STARD13: variants seen among roughly 807,000 people sequenced by gnomAD.
STARD13 encodes stAR-related lipid transfer protein 13.
In STARD13, 62 loss-of-function variants were observed where a neutral mutation model predicts 106.4. The ratio of observed to expected loss-of-function variants is 0.58; its 90% CI spans 0.48 to 0.72. STARD13 has a LOEUF of 0.72. Ranked by LOEUF, STARD13 falls within the 30% of genes least tolerant of loss-of-function variation. The pLI is 0.00. For synonymous variants in STARD13, 565 were observed against 553.0 expected, an observed-to-expected ratio of 1.02 and a Z score of -0.31; for missense variants, 1,387 against 1,424.0, an observed-to-expected ratio of 0.97 and a Z score of 0.42.
chr13:33,619,894 C>T, the STARD13 span, among the ~76,000 whole-genome samples: 3 of 152,102 alleles, frequency 2.0e-5, no homozygotes, highest in African/African-American at 7.2e-5. Flanking sequence ...GAAACCTCAT[C>T]TCTACTAAAA....
chr13:33,575,263 A>C, the STARD13 span, among the ~76,000 whole-genome samples: 1 of 152,106 alleles, frequency 6.6e-6, no homozygotes, highest in African/African-American at 2.4e-5. Context: ...AATATGTAAA[A>C]ATGAACCCCA....
chr13:33,125,385 T>C (rs1197768295), intron 7 of STARD13, among the ~76,000 whole-genome samples: 2 of 152,070 alleles, frequency 1.3e-5, no homozygotes, highest in South Asian at 2.1e-4. Flanking sequence ...GGGTGTTAAT[T>C]TGGAGGAGCA....
the STARD13 span, among the ~76,000 whole-genome samples, chr13:33,405,495 A>T: frequency 6.6e-6 from 1 of 152,230 alleles, no homozygotes; most frequent in Non-Finnish European, 1.5e-5. Flanking sequence ...GAGCAACATG[A>T]TCTCTGCTCT....
intron 1 of STARD13, among the ~76,000 whole-genome samples, chr13:33,333,020 G>GATA (rs891441650): frequency 6.6e-6 from 1 of 151,976 alleles, no homozygotes; most frequent in Admixed American, 6.5e-5. Context: ...TAATAATAAT[G>GATA]ATAATAATAA....
chr13:33,499,668 G>A, the STARD13 span, among the ~76,000 whole-genome samples: 69 of 92,864 alleles, frequency 7.4e-4, no homozygotes, highest in African/African-American at 1.9e-3. Flanking sequence ...CTTCTTCCTC[G>A]TCCTCTTCTT....
At chr13:33,404,304 G>C in the STARD13 span, among the ~76,000 whole-genome samples, 4 of 152,164 alleles carry the variant, frequency 2.6e-5, no homozygotes, top group Admixed American at 1.3e-4. Context: ...GCCTTTTAAA[G>C]TCTTTTTTTA....
chr13:33,394,475 T>C, the STARD13 span, among the ~76,000 whole-genome samples: 1 of 152,218 alleles, frequency 6.6e-6, no homozygotes, highest in Non-Finnish European at 1.5e-5. Flanking sequence ...GCCAGTTGTA[T>C]TGGACAGCCC....
the STARD13 span, among the ~76,000 whole-genome samples, chr13:33,656,625 A>G: frequency 6.6e-6 from 1 of 152,258 alleles, no homozygotes; most frequent in African/African-American, 2.4e-5. Context: ...ATCTTAAACC[A>G]GGAATGGAAA....
At chr13:33,385,434 G>A in the STARD13 span, among the ~76,000 whole-genome samples, 2 of 142,018 alleles carry the variant, frequency 1.4e-5, no homozygotes, top group African/African-American at 5.2e-5. Context: ...AGAGGAACTG[G>A]TAACTGAGTA....
chr13:33,599,613 CAAG>C, the STARD13 span, among the ~76,000 whole-genome samples: 2 of 152,130 alleles, frequency 1.3e-5, no homozygotes, highest in East Asian at 1.9e-4. Context: ...ATATTTTCCA[CAAG>C]AAGGCCTTTT....
intron 3 of STARD13, among the ~76,000 whole-genome samples, chr13:33,160,235 T>C (rs1245373845): frequency 6.6e-6 from 1 of 152,190 alleles, no homozygotes; most frequent in Non-Finnish European, 1.5e-5. Flanking sequence ...CTGAAATGAT[T>C]GGACATTGAT....
chr13:33,180,104 G>A (rs754044127), intron 1 of STARD13, among the ~76,000 whole-genome samples: 3 of 152,208 alleles, frequency 2.0e-5, no homozygotes, highest in Non-Finnish European at 4.4e-5. Context: ...TCTGGTAAAT[G>A]AAGCTGTATC....
At chr13:33,638,282 T>A in the STARD13 span, among the ~76,000 whole-genome samples, 6 of 152,160 alleles carry the variant, frequency 3.9e-5, no homozygotes, top group African/African-American at 1.2e-4. Flanking sequence ...ACATGTAAGA[T>A]ACATGTCATC....
chr13:33,216,660 C>T (rs1888061317), intron 1 of STARD13, among the ~76,000 whole-genome samples: 1 of 152,074 alleles, frequency 6.6e-6, no homozygotes. Flanking sequence ...CAAATCACCA[C>T]TAAGGAACTT....
the STARD13 span, among the ~76,000 whole-genome samples, chr13:33,458,400 G>A: frequency 5.9e-5 from 9 of 151,798 alleles, no homozygotes; most frequent in East Asian, 1.9e-4. Context: ...AGCCTCCCGC[G>A]AAATATGTAG....
At chr13:33,622,623 A>AC in the STARD13 span, among the ~76,000 whole-genome samples, 2 of 148,692 alleles carry the variant, frequency 1.3e-5, no homozygotes, top group Non-Finnish European at 3.0e-5. Context: ...TCAAAAAAAA[A>AC]AAAAAAAAAA....
chr13:33,415,293 G>A, the STARD13 span, among the ~76,000 whole-genome samples: 1 of 152,150 alleles, frequency 6.6e-6, no homozygotes, highest in African/African-American at 2.4e-5. Flanking sequence ...GCGTGAACCC[G>A]GGAGGCGGAG....
chr13:33,613,577 G>A, the STARD13 span, among the ~76,000 whole-genome samples: 1 of 152,222 alleles, frequency 6.6e-6, no homozygotes, highest in African/African-American at 2.4e-5. Context: ...CACCCAGAAA[G>A]GAGAAAGTCA....
At chr13:33,435,005 G>A in the STARD13 span, among the ~76,000 whole-genome samples, 2 of 152,098 alleles carry the variant, frequency 1.3e-5, no homozygotes, top group Non-Finnish European at 2.9e-5. Flanking sequence ...AACTAGTTGG[G>A]GAAAGAGTCA....
Sources: allele counts gnomAD v4.1 joint callset (sites outside exome capture counted in the v4.1 genomes callset), GRCh38; gene constraint gnomAD v4.1.1; transcripts MANE v1.5; gene names NCBI Gene and HGNC (gene_info 2026-07-23, HGNC 2026-07-21).